Variants in SMOX observed in about 807,000 individuals in gnomAD.
SMOX encodes the protein spermine oxidase.
A neutral mutation model predicts 51.0 loss-of-function variants in SMOX; 22 were observed. That is an observed-to-expected ratio of 0.43 (90% CI 0.31 to 0.62). The LOEUF (loss-of-function observed/expected upper bound fraction) is 0.62. SMOX is among the 20% of genes least tolerant of loss of function. SMOX has a pLI of 0.10. For missense variants in SMOX, 566 were observed against 777.7 expected (o/e 0.73, Z 3.24); for synonymous variants, 282 against 307.8 (o/e 0.92, Z 0.88).
Position 4,187,307 on chromosome 20 carries a change from G to T in SMOX, c.1568G>T (p.Arg523Leu), listed in dbSNP as rs768438474. The T allele has an allele frequency of 6.2e-7, 1 of 1,614,122 alleles. No homozygotes were observed. The highest frequency in any genetic ancestry group is 8.5e-7 in the Non-Finnish European group (1 of 1,180,000). The change falls in exon 7 of 7, where the codon CGC becomes CTC. Residue 523 changes from arginine (R) to leucine (L), a missense_variant. This residue lies in a region of SMOX where 347 missense variants were observed against 481.8 expected (regional missense o/e 0.72). Transcript: ENST00000305958. The surrounding 1 kb of genome is among the most constrained non-coding windows in gnomAD (Gnocchi z 4.8). The part of the protein sequence containing the change: ...QVLFSGEATH[R>L]KYYSTTHGAL... ...CTGTTTTCCGGTGAGGCCACCCACC[G>T]CAAGTACTATTCCACCACCCACGGT... is the stretch of plus-strand genomic sequence containing the variant.
chr20:4,186,466 G>A (rs1322470121), intron 6 of SMOX, among the ~76,000 whole-genome samples: 2 of 152,154 alleles, frequency 1.3e-5, no homozygotes, highest in Non-Finnish European at 2.9e-5. Context: ...TCTCAAGGCC[G>A]AGCCCTGGCT....
intron 1 of SMOX, among the ~76,000 whole-genome samples, chr20:4,150,934 T>A (rs2122352462): frequency 6.6e-6 from 1 of 150,428 alleles, no homozygotes; most frequent in East Asian, 2.0e-4. Flanking sequence ...TGCGTTCAAG[T>A]GATTCTCCTG....
chr20:4,151,999 G>C (rs931205236), intron 1 of SMOX, among the ~76,000 whole-genome samples: 2 of 152,168 alleles, frequency 1.3e-5, no homozygotes, highest in African/African-American at 4.8e-5. Context: ...AAGTGACCCT[G>C]AGGATTTTTA....
At chr20:4,161,751 A>G (rs1986332421) in intron 1 of SMOX, among the ~76,000 whole-genome samples, 1 of 152,102 alleles carries the variant, frequency 6.6e-6, no homozygotes, top group Admixed American at 6.5e-5. Flanking sequence ...CCTTAAGGGG[A>G]GGCGTCTGGG....
chr20:4,163,418 C>T (rs1986424111), intron 1 of SMOX, among the ~76,000 whole-genome samples: 1 of 152,114 alleles, frequency 6.6e-6, no homozygotes, highest in African/African-American at 2.4e-5. Context: ...GGTCTGAGGC[C>T]CTGAGAGGGG....
chr20:4,183,596 G>A lies in SMOX; in HGVS notation c.1472G>A (p.Gly491Glu). The change falls in exon 6 of 7, where the codon GGG becomes GAG. Residue 491 changes from glycine (G) to glutamate (E), a missense_variant. Coordinates refer to ENST00000305958, the MANE Select transcript of SMOX (RefSeq NM_175839.3). This position sits in a 1 kb window ranked among gnomAD's most constrained non-coding sequence, Gnocchi z 4.3. ...SYSYTQVGSSGADVEKLAKPL... is the reference protein window; with the variant it reads ...SYSYTQVGSSEADVEKLAKPL... ...TCATACACGCAGGTGGGCTCCAGCG[G>A]GGCGGATGTGGAGAAGCTGGCCAAG... 3 of 1,610,022 alleles carry A rather than the reference G, an allele frequency of 1.9e-6. No individual in the cohort carries two copies. Among genetic ancestry groups the A allele is most frequent in the Non-Finnish European group, 2.5e-6 (3 of 1,177,804 alleles).
chr20:4,152,588 G>A (rs1011872749), intron 1 of SMOX, among the ~76,000 whole-genome samples: 1 of 152,064 alleles, frequency 6.6e-6, no homozygotes, highest in African/African-American at 2.4e-5. Context: ...ATCTGGGATG[G>A]GGCTGGCATG....
At chr20:4,186,872 C>T (rs1265339588) in intron 6 of SMOX, 1 of 775,266 alleles carries the variant, frequency 1.3e-6, no homozygotes, top group Non-Finnish European at 2.4e-6. Context: ...GTGCTTTGTT[C>T]TTCCAGGTTC....
Position 4,183,282 on chromosome 20 carries a change from G to A in SMOX, c.1370-212G>A, listed in dbSNP as rs969140608. On this transcript the variant is annotated intron_variant, in intron 5 of 6. Coordinates refer to ENST00000305958, the MANE Select transcript of SMOX (RefSeq NM_175839.3). The surrounding 1 kb of genome is among the most constrained non-coding windows in gnomAD (Gnocchi z 4.3). ...AGATAGATAGGAAAAGTAAGGTGGA[G>A]CGTTTTGCCGGGGGTCACAGGAGGC... 1.6e-6 allele frequency: 1 copy of A among 631,548 alleles called. No individual in the cohort carries two copies. Among genetic ancestry groups the A allele is most frequent in the African/African-American group, 1.8e-5 (1 of 54,398 alleles). 39.1% of individuals were successfully genotyped at this position (631,548 alleles called of 1,614,324 possible). A position where few individuals can be genotyped will look rare whatever the true frequency, so the allele number is the denominator to read the frequency against.
Position 4,182,696 on chromosome 20 carries a change from G to A in SMOX, c.1217G>A (p.Arg406His), listed in dbSNP as rs1979432439. ...TLTYPPELWY[R>H]KICGFDVLYP... ...ACCTACCCACCTGAGCTCTGGTACC[G>A]CAAGATCTGCGGCTTTGATGTCCTC... Residue 406 changes from arginine (R) to histidine (H), a missense_variant, in exon 5 of 7, where the codon CGC (arginine) becomes CAC (histidine). Transcript: ENST00000305958. This position sits in a 1 kb window ranked among gnomAD's most constrained non-coding sequence, Gnocchi z 8.4. The A allele has an allele frequency of 6.2e-7, 1 of 1,614,138 alleles. No individual in the cohort carries two copies. Among genetic ancestry groups the A allele is most frequent in the Non-Finnish European group, 8.5e-7 (1 of 1,180,020 alleles).
chr20:4,186,569 C>G (rs1245746603), intron 6 of SMOX, among the ~76,000 whole-genome samples: 1 of 152,186 alleles, frequency 6.6e-6, no homozygotes, highest in Non-Finnish European at 1.5e-5. Flanking sequence ...TTTGCCTGTC[C>G]GTTCACTCAG....
At position 4,177,583 on chromosome 20, in the gene SMOX, G is replaced by A. The variant is rs1357233472; in HGVS notation, c.435+6G>A. The A allele has an allele frequency of 6.3e-7, 1 of 1,577,716 alleles. No homozygotes were observed. Among genetic ancestry groups the A allele is most frequent in the Non-Finnish European group, 8.6e-7 (1 of 1,160,316 alleles). On this transcript the variant is annotated splice_donor_region_variant and intron_variant, in intron 3 of 6. Transcript: ENST00000305958. The surrounding 1 kb of genome is among the most constrained non-coding windows in gnomAD (Gnocchi z 4.3). ...TCAGCGATTTATACAACGAGGTAAG[G>A]TGTGAGCAGAGTAGCTGGGCGTAAG...
intron 1 of SMOX, among the ~76,000 whole-genome samples, chr20:4,157,576 G>A (rs891038139): frequency 1.5e-4 from 23 of 152,126 alleles, no homozygotes; most frequent in Non-Finnish European, 3.2e-4. Flanking sequence ...CGGGCAGGGA[G>A]GAGGCATCAG....
intron 1 of SMOX, among the ~76,000 whole-genome samples, chr20:4,160,206 A>G (rs1986237778): frequency 6.6e-6 from 1 of 152,066 alleles, no homozygotes; most frequent in East Asian, 1.9e-4. Flanking sequence ...CCAGGCCAGA[A>G]AGCAGGTAGC....
rs1430266892 is a variant in SMOX, at chr20:4,167,636, C to T, written c.-26-7394C>T. ...GGGAAGACACTGGCCCAGGGGTCAC[C>T]TGGCAAGGTAGAGATTGAGCTGGGG... On this transcript the variant is annotated intron_variant, in intron 1 of 6. Transcript: ENST00000305958. This position sits in a 1 kb window ranked among gnomAD's most constrained non-coding sequence, Gnocchi z 4.8. 6.6e-6 allele frequency among the ~76,000 whole-genome samples: 1 copy of T among 152,110 alleles called. No homozygotes were observed. Among genetic ancestry groups the T allele is most frequent in the Non-Finnish European group, 1.5e-5 (1 of 68,014 alleles).
At chr20:4,180,745 C>T (rs1037942449) in intron 3 of SMOX, among the ~76,000 whole-genome samples, 1 of 152,178 alleles carries the variant, frequency 6.6e-6, no homozygotes, top group Non-Finnish European at 1.5e-5. Context: ...GGTTGCTGTT[C>T]CCTCTGCCTG....
intron 1 of SMOX, among the ~76,000 whole-genome samples, chr20:4,158,242 G>C (rs1469752038): frequency 6.6e-6 from 1 of 152,132 alleles, no homozygotes; most frequent in Non-Finnish European, 1.5e-5. Context: ...ACGGTGGTGC[G>C]TGGGGCAACA....
rs562778149 is a variant in SMOX, at chr20:4,149,765, G to A, written c.-27+788G>A. On this transcript the variant is annotated intron_variant, in intron 1 of 6. Transcript: ENST00000305958. This position sits in a 1 kb window ranked among gnomAD's most constrained non-coding sequence, Gnocchi z 6.0. ...ATGAGATACGCTCGGTGCCCGGCACGTATAGTGAGAGGTGCCCACAGGTTG... is the reference window on the plus strand; with the variant it reads ...ATGAGATACGCTCGGTGCCCGGCACATATAGTGAGAGGTGCCCACAGGTTG... Among the ~76,000 whole-genome samples the A allele has an allele frequency of 1.1e-4, 16 of 152,330 alleles. No homozygotes were observed. The highest frequency in any genetic ancestry group is 9.8e-4 in the Admixed American group (15 of 15,306).
chr20:4,163,717 T>G (rs2122444653), intron 1 of SMOX, among the ~76,000 whole-genome samples: 1 of 152,274 alleles, frequency 6.6e-6, no homozygotes, highest in East Asian at 1.9e-4. Flanking sequence ...GATGGTGTGC[T>G]CACATGCTTG....
Sources: allele counts gnomAD v4.1 joint callset (sites outside exome capture counted in the v4.1 genomes callset), GRCh38; gene constraint gnomAD v4.1.1; regional missense constraint gnomAD v4.1.1; non-coding constraint Gnocchi (gnomAD v3.1); transcripts MANE v1.5; gene names NCBI Gene and HGNC (gene_info 2026-07-23, HGNC 2026-07-21).